HS6ST3: variants seen among roughly 807,000 people sequenced by gnomAD.
HS6ST3 encodes the protein heparan sulfate 6-O-sulfotransferase 3.
Under a neutral mutation model 36.7 loss-of-function variants are expected in HS6ST3, and 12 were observed. The observed-to-expected ratio is 0.33, with a 90% CI of 0.21 to 0.53. The LOEUF is 0.53. HS6ST3 is among the 20% of genes least tolerant of loss of function. The pLI is 0.95. For missense variants in HS6ST3, 584 were observed against 640.9 expected (o/e 0.91, Z 0.96); for synonymous variants, 240 against 257.5 (o/e 0.93, Z 0.65).
intron 1 of HS6ST3, among the ~76,000 whole-genome samples, chr13:96,715,164 T>C (rs372314350): frequency 5.9e-5 from 9 of 152,018 alleles, no homozygotes; most frequent in African/African-American, 2.2e-4. Context: ...TATATCACGA[T>C]GGAAAAATCT....
intron 1 of HS6ST3, among the ~76,000 whole-genome samples, chr13:96,623,459 G>C (rs1336929161): frequency 6.6e-6 from 1 of 151,842 alleles, no homozygotes; most frequent in Non-Finnish European, 1.5e-5. Context: ...GACTTCAATT[G>C]AAAGCTGTCT....
chr13:96,646,758 T>C (rs2056590199), intron 1 of HS6ST3, among the ~76,000 whole-genome samples: 1 of 151,816 alleles, frequency 6.6e-6, no homozygotes, highest in Non-Finnish European at 1.5e-5. Flanking sequence ...CTGAGGGAGA[T>C]TGCACAAGGA....
intron 1 of HS6ST3, among the ~76,000 whole-genome samples, chr13:96,251,007 G>A (rs2139377319): frequency 6.6e-6 from 1 of 152,164 alleles, no homozygotes; most frequent in Non-Finnish European, 1.5e-5. Flanking sequence ...TTTTGTTCTC[G>A]ATTTCTGCTT....
At chr13:96,830,737 G>A (rs915809715) in intron 1 of HS6ST3, among the ~76,000 whole-genome samples, 5 of 152,210 alleles carry the variant, frequency 3.3e-5, no homozygotes, top group African/African-American at 9.7e-5. Flanking sequence ...ATTTGTACAG[G>A]TGTTAGGGCA....
intron 1 of HS6ST3, among the ~76,000 whole-genome samples, chr13:96,162,593 C>A (rs906336892): frequency 6.6e-6 from 1 of 152,126 alleles, no homozygotes; most frequent in African/African-American, 2.4e-5. Context: ...TGAAGGATTT[C>A]AAGTGTATGA....
At position 96,295,652 on chromosome 13, in the gene HS6ST3, T is replaced by C. The variant is rs151163356; in HGVS notation, c.707+204083T>C. 7.7e-3 allele frequency among the ~76,000 whole-genome samples: 1,178 copies of C among 152,236 alleles called. 34 individuals are homozygous for C. The highest frequency in any genetic ancestry group is 0.048 in the Admixed American group (733 of 15,262). ...GATTAGTATGCTCCCGTGTGTCTTA[T>C]TAAAAGCCTGCCAGGCTTTATTGAA... is the stretch of plus-strand genomic sequence containing the variant. On this transcript the variant is annotated intron_variant, in intron 1 of 1. Coordinates refer to ENST00000376705, the MANE Select transcript of HS6ST3 (RefSeq NM_153456.4).
chr13:96,626,070 G>C (rs906422620), intron 1 of HS6ST3, among the ~76,000 whole-genome samples: 9 of 151,528 alleles, frequency 5.9e-5, no homozygotes, highest in South Asian at 2.1e-4. Context: ...TCTCGATCTC[G>C]TGACCTCGTG....
chr13:96,524,385 C>G (rs565318169), intron 1 of HS6ST3, among the ~76,000 whole-genome samples: 17 of 152,214 alleles, frequency 1.1e-4, no homozygotes, highest in African/African-American at 3.9e-4. Context: ...AACTACTGCT[C>G]TCTTTAGAGC....
chr13:96,116,202 G>A (rs922997561), intron 1 of HS6ST3, among the ~76,000 whole-genome samples: 3 of 152,128 alleles, frequency 2.0e-5, no homozygotes, highest in Admixed American at 1.3e-4. Context: ...TCAACGACTC[G>A]AGTGCATAGT....
intron 1 of HS6ST3, among the ~76,000 whole-genome samples, chr13:96,589,709 G>A (rs1383511077): frequency 6.6e-6 from 1 of 151,864 alleles, no homozygotes; most frequent in Admixed American, 6.6e-5. Flanking sequence ...TTGTATTTCT[G>A]TATTTAATTT....
At chr13:96,338,040 T>C (rs1407641057) in intron 1 of HS6ST3, among the ~76,000 whole-genome samples, 1 of 152,120 alleles carries the variant, frequency 6.6e-6, no homozygotes, top group Non-Finnish European at 1.5e-5. Flanking sequence ...TGTGATACTT[T>C]CTTATCTCTC....
intron 1 of HS6ST3, among the ~76,000 whole-genome samples, chr13:96,145,902 A>G (rs61968008): frequency 0.026 from 3,985 of 152,250 alleles, 63 homozygotes; most frequent in Non-Finnish European, 0.034. Context: ...ACCATTTATT[A>G]AATAGGGAAT....
intron 1 of HS6ST3, among the ~76,000 whole-genome samples, chr13:96,441,499 G>A (rs2055671045): frequency 1.3e-5 from 2 of 151,964 alleles, no homozygotes; most frequent in South Asian, 2.1e-4. Flanking sequence ...AATGAACACT[G>A]CAAAGAAGCC....
chr13:96,241,141 G>GCT (rs1555292979), intron 1 of HS6ST3, among the ~76,000 whole-genome samples: 3 of 149,250 alleles, frequency 2.0e-5, no homozygotes, highest in African/African-American at 7.4e-5. Context: ...GGTCCTTTCT[G>GCT]TTTTTTTTTT....
intron 1 of HS6ST3, among the ~76,000 whole-genome samples, chr13:96,743,102 T>C (rs1876481851): frequency 6.6e-6 from 1 of 152,090 alleles, no homozygotes; most frequent in South Asian, 2.1e-4. Context: ...CAGTAAGGAA[T>C]ATGAGCTCTC....
chr13:96,436,691 A>C (rs149884438), intron 1 of HS6ST3, among the ~76,000 whole-genome samples: 5 of 152,324 alleles, frequency 3.3e-5, no homozygotes, highest in African/African-American at 4.8e-5. Context: ...TCAAAGAGAA[A>C]AGGCCATGTG....
chr13:96,405,892 A>G (rs9513139), intron 1 of HS6ST3, among the ~76,000 whole-genome samples: 46,351 of 151,998 alleles, frequency 0.3, 8,862 homozygotes, highest in Non-Finnish European at 0.43. Flanking sequence ...TTTTGAGCCA[A>G]TTTGCTCCCC....
intron 1 of HS6ST3, among the ~76,000 whole-genome samples, chr13:96,118,565 T>A (rs1299385932): frequency 6.7e-6 from 1 of 149,046 alleles, no homozygotes; most frequent in African/African-American, 2.5e-5. Flanking sequence ...TTCCTCTGAT[T>A]TGGAAAAGAA....
intron 1 of HS6ST3, among the ~76,000 whole-genome samples, chr13:96,181,445 T>C (rs4773940): frequency 0.95 from 145,114 of 152,338 alleles, 69,221 homozygotes; most frequent in African/African-American, 0.98. Context: ...GAAAAACTTT[T>C]CTCTGAATAT....
Sources: gnomAD v4.1 joint callset for allele counts (sites outside exome capture counted in the v4.1 genomes callset) on GRCh38, gnomAD v4.1.1 for gene constraint, MANE v1.5 for transcripts, NCBI Gene and HGNC (gene_info 2026-07-23, HGNC 2026-07-21) for gene names.